Variants in CTCF observed in about 807,000 individuals in gnomAD.
The protein encoded by CTCF is CCCTC-binding factor.
A neutral mutation model predicts 72.3 loss-of-function variants in CTCF; 7 were observed. The observed-to-expected ratio is 0.10, with a 90% CI of 0.06 to 0.18. CTCF has a LOEUF of 0.18. Among genes scored for constraint, CTCF ranks in the 10% least tolerant of loss-of-function variants. CTCF has a pLI of 1.00. For synonymous variants in CTCF, 374 were observed against 315.8 expected (o/e 1.18, Z -1.95); for missense variants, 516 against 949.1 (o/e 0.54, Z 6.00).
intron 10 of CTCF, among the ~76,000 whole-genome samples, chr16:67,631,168 T>TTTTG (rs2052359290): frequency 7.3e-6 from 1 of 137,294 alleles, no homozygotes; most frequent in African/African-American, 2.8e-5. Context: ...TTTTTTTGTT[T>TTTTG]TTTGTTTTTT....
At position 67,638,720 on chromosome 16, in the gene CTCF, C is replaced by T. The variant is rs952187376; in HGVS notation, c.*848C>T. 3 of 225,678 alleles carry T rather than the reference C, an allele frequency of 1.3e-5. No homozygotes were observed. The highest frequency in any genetic ancestry group is 4.5e-5 in the African/African-American group (2 of 44,834). 14.0% of individuals were successfully genotyped at this position (225,678 alleles called of 1,614,324 possible). On this transcript the variant is annotated 3_prime_UTR_variant, in exon 12 of 12. Transcript: ENST00000264010. ...ATTTCCCATCGACATTTTCTTTGCCCTGTTTGTAGCTGATTGTTGTGTTTT... is the reference window on the plus strand; with the variant it reads ...ATTTCCCATCGACATTTTCTTTGCCTTGTTTGTAGCTGATTGTTGTGTTTT...
chr16:67,562,895 G>C (rs2051294425), intron 1 of CTCF, among the ~76,000 whole-genome samples, 171 bp downstream of exon 1: 1 of 147,062 alleles, frequency 6.8e-6, no homozygotes, highest in African/African-American at 2.5e-5. Flanking sequence ...CGTCGCCGCC[G>C]TGGCCCGGCC....
chr16:67,630,477 G>A (rs1046836402), intron 10 of CTCF, among the ~76,000 whole-genome samples: 5 of 151,930 alleles, frequency 3.3e-5, no homozygotes, highest in African/African-American at 1.2e-4. Flanking sequence ...AGCCTCGGTC[G>A]GGCACAGTGG....
intron 8 of CTCF, chr16:67,627,578 C>T (rs1310982174): frequency 6.6e-6 from 1 of 151,690 alleles, no homozygotes; most frequent in African/African-American, 2.4e-5. Context: ...GCAGGCAGAT[C>T]ATTTGAGGTT....
In CTCF at chr16:67,583,883, A is replaced by G. The variant is rs949453889; in HGVS notation, c.-10+12619A>G. On this transcript the variant is annotated intron_variant, in intron 2 of 11. Coordinates refer to ENST00000264010, the MANE Select transcript of CTCF (RefSeq NM_006565.4). ...TTGCCTGACACAGGGATTCTGCTTT[A>G]TATTTCTTGGACTGCAGATGTAAAT... 2.0e-5 allele frequency among the ~76,000 whole-genome samples: 3 copies of G among 152,122 alleles called. No homozygotes were observed. In the East Asian group the frequency reaches 5.8e-4, roughly 29 times the overall value.
rs1317665840 is a variant in CTCF at position 67,574,344 on chromosome 16, CTTTA to C, written c.-10+3092_-10+3095del. On this transcript the variant is annotated intron_variant, in intron 2 of 11. Coordinates refer to ENST00000264010, the MANE Select transcript of CTCF (RefSeq NM_006565.4). The stretch of plus-strand genomic sequence containing the variant: ...ATTTGCCAGTTTGTTAAGAGGACTA[CTTTA>C]TTTATTTATTTTTGAGACAATCTCA... Among the ~76,000 whole-genome samples, 9 of 151,996 alleles carry C rather than the reference CTTTA, an allele frequency of 5.9e-5. No homozygotes were observed. The East Asian group carries it at 1.4e-3, about 23-fold the overall frequency.
At chr16:67,606,105 T>G (rs1008102077) in intron 2 of CTCF, among the ~76,000 whole-genome samples, 7 of 152,208 alleles carry the variant, frequency 4.6e-5, no homozygotes, top group African/African-American at 1.7e-4. Flanking sequence ...TGAGGTATTT[T>G]GTTATTCAAG....
intron 2 of CTCF, among the ~76,000 whole-genome samples, chr16:67,593,352 C>A (rs1255693950): frequency 6.6e-6 from 1 of 151,960 alleles, no homozygotes; most frequent in Non-Finnish European, 1.5e-5. Flanking sequence ...CGTTTTCTCC[C>A]TCCCCCTCCT....
chr16:67,590,266 A>T (rs1331449783), intron 2 of CTCF, among the ~76,000 whole-genome samples: 1 of 152,032 alleles, frequency 6.6e-6, no homozygotes, highest in African/African-American at 2.4e-5. Flanking sequence ...CATTACAAAT[A>T]TTTTATTAGT....
intron 7 of CTCF, among the ~76,000 whole-genome samples, chr16:67,625,919 T>A (rs1397027159): frequency 6.6e-6 from 1 of 151,136 alleles, no homozygotes; most frequent in African/African-American, 2.4e-5. Flanking sequence ...CCAGGCCTGA[T>A]ACCTACTTTA....
At chr16:67,605,534 C>CT (rs895932085) in intron 2 of CTCF, among the ~76,000 whole-genome samples, 3 of 152,144 alleles carry the variant, frequency 2.0e-5, no homozygotes, top group Non-Finnish European at 2.9e-5. Context: ...ATCCAACAAC[C>CT]TCGGGAGTTT....
At position 67,612,201 on chromosome 16, in the gene CTCF, C is replaced by T. The variant is rs554278836; in HGVS notation, c.952+80C>T. The T allele has an allele frequency of 1.2e-5, 16 of 1,347,546 alleles. No individual in the cohort carries two copies. The East Asian group carries it at 2.2e-4, about 19-fold the overall frequency. The allele number at this position is 1,347,546 out of a possible 1,614,324, so 83.5% of individuals were successfully genotyped here. ...TAGTATTCATTCAAGCTGACTCCAG[C>T]GGGAATTTAAAGGAAGTTTTTATTA... is the stretch of plus-strand genomic sequence containing the variant. On this transcript the variant is annotated intron_variant, in intron 4 of 11. Transcript: ENST00000264010.
At chr16:67,579,015 G>C (rs1021082323) in intron 2 of CTCF, among the ~76,000 whole-genome samples, 60 of 151,626 alleles carry the variant, frequency 4.0e-4, no homozygotes, top group African/African-American at 1.3e-3. Context: ...AGCACTTTGG[G>C]AGGCCAAGGT....
chr16:67,593,384 T>G (rs771937583), intron 2 of CTCF, among the ~76,000 whole-genome samples: 6 of 152,134 alleles, frequency 3.9e-5, no homozygotes, highest in African/African-American at 7.2e-5. Flanking sequence ...CCTATTGTTA[T>G]GTTTATGTCC....
At chr16:67,575,480 C>G (rs1357556846) in intron 2 of CTCF, among the ~76,000 whole-genome samples, 2 of 151,946 alleles carry the variant, frequency 1.3e-5, no homozygotes, top group African/African-American at 2.4e-5. Context: ...GAGTCTCGCT[C>G]TGTCGCCAGG....
At chr16:67,589,320 A>T (rs2051708155) in intron 2 of CTCF, among the ~76,000 whole-genome samples, 1 of 152,096 alleles carries the variant, frequency 6.6e-6, no homozygotes, top group South Asian at 2.1e-4. Context: ...ATAAATAATT[A>T]TAATAATATT....
At chr16:67,629,051 C>CA (rs75890530) in intron 9 of CTCF, among the ~76,000 whole-genome samples, 4,775 of 130,348 alleles carry the variant, frequency 0.037, 90 homozygotes, top group Middle Eastern at 0.14. Context: ...GACTCCGTCT[C>CA]AAAAAAAAAA....
At chr16:67,634,109 AT>A (rs574545543) in intron 10 of CTCF, among the ~76,000 whole-genome samples, 37 of 152,164 alleles carry the variant, frequency 2.4e-4, no homozygotes, top group Non-Finnish European at 5.0e-4. Context: ...CAGCAAAAGC[AT>A]TTTTATTTAT....
intron 2 of CTCF, among the ~76,000 whole-genome samples, chr16:67,572,305 T>C (rs1261231057): frequency 6.6e-6 from 1 of 152,204 alleles, no homozygotes; most frequent in Non-Finnish European, 1.5e-5. Flanking sequence ...GCAGGTTCTT[T>C]TAGGAGTGTT....
Sources: gnomAD v4.1 joint callset for allele counts (sites outside exome capture counted in the v4.1 genomes callset) on GRCh38, gnomAD v4.1.1 for gene constraint, MANE v1.5 for transcripts, NCBI Gene and HGNC (gene_info 2026-07-23, HGNC 2026-07-21) for gene names.